MDGA2: variants seen among roughly 807,000 people sequenced by gnomAD.
MDGA2 encodes the protein MAM domain containing glycosylphosphatidylinositol anchor 2, also known as MAM domain-containing glycosylphosphatidylinositol anchor protein 2.
In MDGA2, 40 loss-of-function variants were observed where a neutral mutation model predicts 117.8. The observed-to-expected ratio is 0.34, with a 90% confidence interval of 0.26 to 0.44. MDGA2 has a LOEUF of 0.44. Ranked by LOEUF, MDGA2 falls within the 20% of genes least tolerant of loss-of-function variation. The probability of loss-of-function intolerance (pLI) is 1.00; values close to 1 mark genes in which losing one functional copy is unlikely to be tolerated. For synonymous variants in MDGA2, 452 were observed against 439.0 expected (o/e 1.03, Z -0.37); for missense variants, 1,123 against 1,250.6 (o/e 0.90, Z 1.54).
chr14:47,560,368 G>A (rs1895775580), intron 1 of MDGA2, among the ~76,000 whole-genome samples: 1 of 152,120 alleles, frequency 6.6e-6, no homozygotes, highest in African/African-American at 2.4e-5. Context: ...ACCGCGCCCA[G>A]CCTATTTTAG....
chr14:46,851,905 G>T (rs145495520), intron 15 of MDGA2, among the ~76,000 whole-genome samples: 1 of 119,912 alleles, frequency 8.3e-6, no homozygotes, highest in East Asian at 3.4e-4. Flanking sequence ...AGATTTTTGG[G>T]TAAAAAAAAA....
At chr14:47,521,167 C>T (rs547604425) in intron 1 of MDGA2, among the ~76,000 whole-genome samples, 2 of 152,284 alleles carry the variant, frequency 1.3e-5, no homozygotes, top group African/African-American at 4.8e-5. Context: ...TTCCTCCTTC[C>T]AGAGCATCTT....
At chr14:46,842,287 T>C (rs1880648008) in intron 16 of MDGA2, among the ~76,000 whole-genome samples, 2 of 152,110 alleles carry the variant, frequency 1.3e-5, no homozygotes, top group Admixed American at 6.6e-5. Context: ...CATATTCACA[T>C]AGGTTTGTGG....
Position 47,024,283 on chromosome 14 carries a change from G to A in MDGA2, c.1819+10728C>T, listed in dbSNP as rs189380807. 4.7e-4 allele frequency among the ~76,000 whole-genome samples: 72 copies of A among 152,254 alleles called. No homozygotes were observed. In the East Asian group the frequency reaches 0.011, roughly 22 times the overall value. On this transcript the variant is annotated intron_variant, in intron 8 of 16. Transcript: ENST00000399232. Reference sequence around the variant, plus strand: ...CTGAAATTACTTACATCTTTTAACTGAGCTATAAAGCACTATATTCATCAT... The same window carrying A: ...CTGAAATTACTTACATCTTTTAACTAAGCTATAAAGCACTATATTCATCAT...
chr14:47,491,243 C>A (rs943286873), intron 1 of MDGA2, among the ~76,000 whole-genome samples: 2 of 152,028 alleles, frequency 1.3e-5, no homozygotes, highest in Non-Finnish European at 2.9e-5. Context: ...TGACCAAATG[C>A]CTTCTACAGA....
At chr14:46,847,962 T>C (rs764286249) in intron 15 of MDGA2, among the ~76,000 whole-genome samples, 1 of 152,034 alleles carries the variant, frequency 6.6e-6, no homozygotes. Flanking sequence ...CCTTACCTGA[T>C]AGAGAGTCAA....
intron 14 of MDGA2, among the ~76,000 whole-genome samples, chr14:46,865,518 A>G (rs1259333729): frequency 6.6e-6 from 1 of 152,162 alleles, no homozygotes; most frequent in Non-Finnish European, 1.5e-5. Flanking sequence ...CCTATTCAAC[A>G]TAGTGTTGGA....
chr14:47,116,817 A>G (rs927780215), intron 5 of MDGA2, among the ~76,000 whole-genome samples: 5 of 152,094 alleles, frequency 3.3e-5, no homozygotes, highest in African/African-American at 1.2e-4. Flanking sequence ...CTATAAGAAA[A>G]CATAGAGGAA....
chr14:47,360,415 T>A (rs1460767435), intron 1 of MDGA2, among the ~76,000 whole-genome samples: 1 of 146,754 alleles, frequency 6.8e-6, no homozygotes, highest in African/African-American at 2.5e-5. Context: ...AATTAAAAGA[T>A]GTGCAAAGGA....
intron 2 of MDGA2, among the ~76,000 whole-genome samples, chr14:47,250,079 G>A (rs1001786718): frequency 1.3e-5 from 2 of 152,202 alleles, no homozygotes; most frequent in African/African-American, 4.8e-5. Context: ...TGGAGTGTGG[G>A]AAAGGTCTTA....
rs1184039468 is a variant in MDGA2, at chr14:47,173,299, C to T, written c.596-29025G>A. Among the ~76,000 whole-genome samples, 15 of 151,996 alleles carry T rather than the reference C, an allele frequency of 9.9e-5. No individual in the cohort carries two copies. In the South Asian group the frequency reaches 1.0e-3, roughly 11 times the overall value. ...GTTCAGATTCAGGAAATACAGAGAA[C>T]GCCACAAAGATACTCCTCAAGAAGA... On this transcript the variant is annotated intron_variant, in intron 3 of 16. Coordinates refer to ENST00000399232, the MANE Select transcript of MDGA2 (RefSeq NM_001113498.3).
chr14:47,522,611 TTA>T (rs33997586), intron 1 of MDGA2, among the ~76,000 whole-genome samples: 112,459 of 151,844 alleles, frequency 0.74, 42,135 homozygotes, highest in East Asian at 1. Context: ...ATTTTAACAG[TTA>T]TACAAGGAAT....
At chr14:47,315,157 T>A (rs755135480) in intron 1 of MDGA2, among the ~76,000 whole-genome samples, 3 of 152,164 alleles carry the variant, frequency 2.0e-5, no homozygotes, top group African/African-American at 4.8e-5. Flanking sequence ...AAGCTCTATC[T>A]CCCTGACTAT....
intron 1 of MDGA2, among the ~76,000 whole-genome samples, chr14:47,611,940 G>A (rs867001962): frequency 6.6e-6 from 1 of 152,114 alleles, no homozygotes; most frequent in Admixed American, 6.6e-5. Flanking sequence ...AGTAAACAGA[G>A]AAACACTAAA....
chr14:47,535,224 T>C (rs941589638), intron 1 of MDGA2, among the ~76,000 whole-genome samples: 1 of 152,180 alleles, frequency 6.6e-6, no homozygotes, highest in African/African-American at 2.4e-5. Flanking sequence ...AACAGGACAA[T>C]TACTTGCTTT....
rs1014587876 is a variant in MDGA2, at chr14:47,444,879, C to T, written c.281-143329G>A. On this transcript the variant is annotated intron_variant, in intron 1 of 16. Transcript: ENST00000399232. ...CTCAAGTTTAAAGGGAGGAGTTGTA[C>T]ATTGAAATCTTCATATACCATAACC... Among the ~76,000 whole-genome samples, 8 of 152,234 alleles carry T rather than the reference C, an allele frequency of 5.3e-5. No homozygotes were observed. In the East Asian group the frequency reaches 1.5e-3, roughly 29 times the overall value.
intron 6 of MDGA2, among the ~76,000 whole-genome samples, chr14:47,069,676 C>G (rs1260689486): frequency 6.6e-6 from 1 of 152,120 alleles, no homozygotes; most frequent in Non-Finnish European, 1.5e-5. Context: ...GTTCTCTTTC[C>G]TTTTGCTGCC....
rs532029018 is a variant in MDGA2 at position 47,506,320 on chromosome 14, A to G, written c.280+168197T>C. 5.3e-5 allele frequency among the ~76,000 whole-genome samples: 8 copies of G among 152,252 alleles called. No individual in the cohort carries two copies. In the South Asian group the frequency reaches 8.3e-4, roughly 16 times the overall value. On this transcript the variant is annotated intron_variant, in intron 1 of 16. Coordinates refer to ENST00000399232, the MANE Select transcript of MDGA2 (RefSeq NM_001113498.3). The stretch of plus-strand genomic sequence containing the variant: ...AGCTAATTTTCCTCTAAAAAAATCT[A>G]TTTTTCCTACAAACACCCATTTAGA...
At chr14:47,522,660 T>C (rs1174079841) in intron 1 of MDGA2, among the ~76,000 whole-genome samples, 2 of 152,220 alleles carry the variant, frequency 1.3e-5, no homozygotes, top group African/African-American at 2.4e-5. Context: ...TTCCTTCAAA[T>C]GTAATAGATA....
Sources: gnomAD v4.1 joint callset for allele counts (sites outside exome capture counted in the v4.1 genomes callset) on GRCh38, gnomAD v4.1.1 for gene constraint, MANE v1.5 for transcripts, NCBI Gene and HGNC (gene_info 2026-07-23, HGNC 2026-07-21) for gene names.